The following PADI2 variants were observed in gnomAD, a reference collection of about 807,000 sequenced individuals.
PADI2 encodes protein-arginine deiminase type-2.
PADI2 carries 70 observed loss-of-function variants against 81.1 expected under a neutral mutation model. The observed-to-expected ratio is 0.86, with a 90% CI of 0.71 to 1.05. PADI2 has a LOEUF of 1.05. Ranked by LOEUF, PADI2 falls within the 50% of genes least tolerant of loss-of-function variation. The pLI is 0.00. For missense variants in PADI2, 853 were observed against 889.9 expected (o/e 0.96, Z 0.53); for synonymous variants, 338 against 358.0 (o/e 0.94, Z 0.63).
chr1:17,070,401 C>T (rs993063036), intron 14 of PADI2, among the ~76,000 whole-genome samples, 185 bp from the exon 15 acceptor site: 3 of 152,150 alleles, frequency 2.0e-5, no homozygotes, highest in Non-Finnish European at 2.9e-5. Flanking sequence ...GAACAGCAGT[C>T]GTAATAGGAC....
chr1:17,075,216 A>C, intron 12 of PADI2: 1 of 407,938 alleles, frequency 2.5e-6, no homozygotes, highest in Non-Finnish European at 4.5e-6. Context: ...CAGCCACACA[A>C]TTTGCAGAGA....
Position 17,070,236 on chromosome 1 carries a change from G to A in PADI2, c.1636-20C>T. The A allele has an allele frequency of 6.2e-7, 1 of 1,613,046 alleles. No individual in the cohort carries two copies. The highest frequency in any genetic ancestry group is 8.5e-7 in the Non-Finnish European group (1 of 1,179,526). On this transcript the variant is annotated intron_variant, in intron 14 of 15. Transcript: ENST00000375486. ...GCAGCGCTGGGTAGGAGAAAGGATG[G>A]AGGGCATGCAGGTGAGGGGGACACA...
intron 5 of PADI2, 24 bp downstream of exon 5, chr1:17,093,543 C>G: frequency 6.9e-7 from 1 of 1,442,148 alleles, no homozygotes; most frequent in Non-Finnish European, 9.8e-7. Flanking sequence ...CATCCTGCCC[C>G]CCAAGTGCAG....
In PADI2 at chr1:17,070,235, G is replaced by A. The variant is rs2101568615; in HGVS notation, c.1636-19C>T. The A allele has an allele frequency of 6.2e-7, 1 of 1,613,072 alleles. No individual in the cohort carries two copies. Among genetic ancestry groups the A allele is most frequent in the Non-Finnish European group, 8.5e-7 (1 of 1,179,514 alleles). ...GGCAGCGCTGGGTAGGAGAAAGGATGGAGGGCATGCAGGTGAGGGGGACAC... is the reference window on the plus strand; with the variant it reads ...GGCAGCGCTGGGTAGGAGAAAGGATAGAGGGCATGCAGGTGAGGGGGACAC... On this transcript the variant is annotated intron_variant, in intron 14 of 15. Transcript: ENST00000375486.
chr1:17,071,401 C>T lies in PADI2; in HGVS notation c.1635+5G>A, dbSNP rs774161028. On this transcript the variant is annotated splice_donor_5th_base_variant and intron_variant, in intron 14 of 15. Transcript: ENST00000375486. ...TCTGGCCCTGCACCCCTGCCCTGCC[C>T]TCACCTGGAAGTACAGGTTCTCCTG... 5 of 1,610,362 alleles carry T rather than the reference C, an allele frequency of 3.1e-6. No individual in the cohort carries two copies. The East Asian group carries it at 8.9e-5, about 29-fold the overall frequency.
chr1:17,110,040 T>G (rs1247301693), intron 1 of PADI2, among the ~76,000 whole-genome samples: 3 of 152,126 alleles, frequency 2.0e-5, no homozygotes, highest in African/African-American at 7.2e-5. Flanking sequence ...GCACCAGCCC[T>G]GTTCTGAGCT....
rs1403628331 is a variant in PADI2, at chr1:17,115,391, G to A, written c.92+3889C>T. ...GAAGCTCCTGCAGACCTCAGGATCTGGATCCTGGCTCCTGTACACCAGGGA... is the reference window on the plus strand; with the variant it reads ...GAAGCTCCTGCAGACCTCAGGATCTAGATCCTGGCTCCTGTACACCAGGGA... On this transcript the variant is annotated intron_variant, in intron 1 of 15. Coordinates refer to ENST00000375486, the MANE Select transcript of PADI2 (RefSeq NM_007365.3). The surrounding 1 kb of genome is among the most constrained non-coding windows in gnomAD (Gnocchi z 4.1). Among the ~76,000 whole-genome samples, 3 of 152,206 alleles carry A rather than the reference G, an allele frequency of 2.0e-5. No homozygotes were observed. The highest frequency in any genetic ancestry group is 4.8e-5 in the African/African-American group (2 of 41,462).
At chr1:17,114,151 C>T (rs185612517) in intron 1 of PADI2, among the ~76,000 whole-genome samples, 2 of 152,362 alleles carry the variant, frequency 1.3e-5, no homozygotes, top group African/African-American at 2.4e-5. Flanking sequence ...AAGCGCTGCT[C>T]GGGCCAAGCT....
chr1:17,095,861 C>T, intron 4 of PADI2, 48 bp downstream of exon 4: 1 of 1,496,496 alleles, frequency 6.7e-7, no homozygotes. Context: ...GGGCTGTGCC[C>T]TCGGAAGCCC....
chr1:17,079,189 AC>A (rs1289005411), intron 11 of PADI2, 74 bp downstream of exon 11: 1 of 1,423,814 alleles, frequency 7.0e-7, no homozygotes, highest in Non-Finnish European at 9.7e-7. Flanking sequence ...TGTGTGAGCA[AC>A]CCAGGCCACC....
Position 17,105,081 on chromosome 1 carries a change from A to T in PADI2, c.93-20T>A. 8.6e-6 allele frequency: 13 copies of T among 1,508,782 alleles called. No individual in the cohort carries two copies. The highest frequency in any genetic ancestry group is 1.9e-4 in the Middle Eastern group (1 of 5,200). 93.5% of individuals were successfully genotyped at this position (1,508,782 alleles called of 1,614,324 possible). On this transcript the variant is annotated intron_variant, in intron 1 of 15. Coordinates refer to ENST00000375486, the MANE Select transcript of PADI2 (RefSeq NM_007365.3). ...GCCGCGCTGTGGGGAGAGATGAGAG[A>T]GGGTTAGGGAGAGCCCTGGGGTAGG... is the stretch of plus-strand genomic sequence containing the variant.
Position 17,070,076 on chromosome 1 carries a change from G to T in PADI2, c.1764+12C>A. The T allele has an allele frequency of 1.2e-6, 2 of 1,613,042 alleles. No individual in the cohort carries two copies. The highest frequency in any genetic ancestry group is 1.7e-6 in the Non-Finnish European group (2 of 1,179,294). ...TGGCATGGGGCGAGGGTTGGGGTCT[G>T]CAGGGCCTCACCATGTTTGGGAAGA... is the stretch of plus-strand genomic sequence containing the variant. On this transcript the variant is annotated intron_variant, in intron 15 of 15. Transcript: ENST00000375486.
intron 14 of PADI2, among the ~76,000 whole-genome samples, chr1:17,070,916 T>A (rs553279519): frequency 6.6e-6 from 1 of 152,268 alleles, no homozygotes; most frequent in South Asian, 2.1e-4. Context: ...CCCACCTCAG[T>A]CTCCCAAAGA....
rs1371184753 is a variant in PADI2 at position 17,069,282 on chromosome 1, G to T, written c.1765-5C>A. ...GTCCAGCACGATCATGTTCACCTGTGACGGGGGATTGCGATGGCAACAGCT... is the reference window on the plus strand; with the variant it reads ...GTCCAGCACGATCATGTTCACCTGTTACGGGGGATTGCGATGGCAACAGCT... On this transcript the variant is annotated splice_polypyrimidine_tract_variant and splice_region_variant and intron_variant, in intron 15 of 15. Coordinates refer to ENST00000375486, the MANE Select transcript of PADI2 (RefSeq NM_007365.3). 1 of 1,610,286 alleles carries T rather than the reference G, an allele frequency of 6.2e-7. No homozygotes were observed.
chr1:17,088,946 A>C (rs1930575273), intron 6 of PADI2, among the ~76,000 whole-genome samples: 1 of 150,076 alleles, frequency 6.7e-6, no homozygotes, highest in African/African-American at 2.5e-5. Flanking sequence ...GCCTCAGAGA[A>C]TTCACTTAAC....
chr1:17,118,350 A>G (rs1289924153), intron 1 of PADI2, among the ~76,000 whole-genome samples: 28 of 152,066 alleles, frequency 1.8e-4, no homozygotes. Context: ...GAGGTTTTAA[A>G]TGCTTGGAAT....
At chr1:17,090,572 G>T (rs868854398) in intron 6 of PADI2, among the ~76,000 whole-genome samples, 12 of 97,392 alleles carry the variant, frequency 1.2e-4, no homozygotes, top group Middle Eastern at 0.013. Flanking sequence ...ATTATCTGTC[G>T]TCCTTTGCTT....
Position 17,093,649 on chromosome 1 carries a change from G to T in PADI2, c.447C>A (p.Ala149=). The T allele has an allele frequency of 6.2e-7, 1 of 1,613,924 alleles. No homozygotes were observed. The highest frequency in any genetic ancestry group is 8.5e-7 in the Non-Finnish European group (1 of 1,179,852). ...SWTWGPEGQG[A]ILLVNCDRET... ...CTCGGTCACAGTTCACCAGCAGGAT[G>T]GCCCCCTGGCCCTCGGGGCCCCAGG... is the stretch of plus-strand genomic sequence containing the variant. The change falls in exon 5 of 16, where the codon GCC becomes GCA. Residue 149 remains alanine (A), a synonymous_variant. Transcript: ENST00000375486.
At chr1:17,107,528 C>G (rs1012481878) in intron 1 of PADI2, among the ~76,000 whole-genome samples, 2 of 152,200 alleles carry the variant, frequency 1.3e-5, no homozygotes, top group African/African-American at 4.8e-5. Flanking sequence ...GGAGGTCTGG[C>G]ATGGGGCCCA....
Sources: allele counts gnomAD v4.1 joint callset (sites outside exome capture counted in the v4.1 genomes callset), GRCh38; gene constraint gnomAD v4.1.1; non-coding constraint Gnocchi (gnomAD v3.1); transcripts MANE v1.5; gene names NCBI Gene and HGNC (gene_info 2026-07-23, HGNC 2026-07-21).